Variants in GRIN2A observed in about 807,000 individuals in gnomAD.
GRIN2A encodes glutamate receptor ionotropic, NMDA 2A.
In GRIN2A, 22 loss-of-function variants were observed where a neutral mutation model predicts 113.4. The ratio of observed to expected loss-of-function variants is 0.19; its 90% CI spans 0.14 to 0.28. The LOEUF (loss-of-function observed/expected upper bound fraction) is 0.28, where lower values mean the gene tolerates loss of function less well. Among genes scored for constraint, GRIN2A ranks in the 10% least tolerant of loss-of-function variants. GRIN2A has a pLI of 1.00. For synonymous variants in GRIN2A, 827 were observed against 738.4 expected (o/e 1.12, Z -1.94); for missense variants, 1,502 against 1,887.0 (o/e 0.80, Z 3.78).
chr16:9,813,158 A>C (rs2042118417), intron 10 of GRIN2A, among the ~76,000 whole-genome samples: 1 of 152,232 alleles, frequency 6.6e-6, no homozygotes, highest in South Asian at 2.1e-4. Context: ...GCATGATGAA[A>C]ACACAAAGCA....
intron 2 of GRIN2A, among the ~76,000 whole-genome samples, chr16:10,140,105 A>C (rs188289861): frequency 5.9e-5 from 9 of 152,316 alleles, no homozygotes; most frequent in Non-Finnish European, 7.4e-5. Flanking sequence ...GAAATATTTA[A>C]GTTTATTTGC....
intron 11 of GRIN2A, among the ~76,000 whole-genome samples, chr16:9,793,273 T>G (rs1045795607): frequency 1.3e-5 from 2 of 152,204 alleles, no homozygotes; most frequent in Non-Finnish European, 1.5e-5. Flanking sequence ...GCATCACTTG[T>G]GACTGAATAA....
At chr16:10,035,175 G>A (rs930064179) in intron 2 of GRIN2A, among the ~76,000 whole-genome samples, 6 of 152,014 alleles carry the variant, frequency 3.9e-5, no homozygotes, top group African/African-American at 9.7e-5. Context: ...ACAGGCACAC[G>A]TCACCACACC....
intron 3 of GRIN2A, among the ~76,000 whole-genome samples, chr16:9,927,034 T>G (rs1456678022): frequency 2.6e-5 from 4 of 152,232 alleles, no homozygotes; most frequent in African/African-American, 9.6e-5. Flanking sequence ...GGCTCCATTT[T>G]ACATTACCTG....
intron 4 of GRIN2A, among the ~76,000 whole-genome samples, chr16:9,866,355 GA>G (rs888504620): frequency 4.1e-4 from 62 of 152,230 alleles, no homozygotes; most frequent in African/African-American, 1.3e-3. Flanking sequence ...TAGGATCAGA[GA>G]ACAGCATGCA....
intron 10 of GRIN2A, among the ~76,000 whole-genome samples, chr16:9,812,376 C>A (rs999719553): frequency 6.6e-6 from 1 of 152,198 alleles, no homozygotes; most frequent in Non-Finnish European, 1.5e-5. Flanking sequence ...CGGTAACTCA[C>A]GCCTGTAATC....
chr16:10,150,511 G>A (rs571635406), intron 2 of GRIN2A, among the ~76,000 whole-genome samples: 2 of 152,230 alleles, frequency 1.3e-5, no homozygotes, highest in East Asian at 3.9e-4. Flanking sequence ...TCCCATGAGA[G>A]CTGCCCTCTC....
intron 3 of GRIN2A, among the ~76,000 whole-genome samples, chr16:9,916,857 T>A (rs914516774): frequency 6.6e-6 from 1 of 152,156 alleles, no homozygotes; most frequent in African/African-American, 2.4e-5. Flanking sequence ...GTTAAGTAAG[T>A]GATGTGAGGA....
At chr16:9,882,897 C>G (rs1158685931) in intron 4 of GRIN2A, among the ~76,000 whole-genome samples, 5 of 152,210 alleles carry the variant, frequency 3.3e-5, no homozygotes, top group South Asian at 2.1e-4. Flanking sequence ...GGAAAGGAAG[C>G]AGACACCTTT....
intron 2 of GRIN2A, among the ~76,000 whole-genome samples, chr16:10,060,952 T>C (rs1442280088): frequency 6.6e-6 from 1 of 152,236 alleles, no homozygotes; most frequent in East Asian, 1.9e-4. Flanking sequence ...TCCCACCCAA[T>C]GTCGGTTCTC....
chr16:10,095,017 T>G (rs1348878698), intron 2 of GRIN2A, among the ~76,000 whole-genome samples: 3 of 151,944 alleles, frequency 2.0e-5, no homozygotes, highest in Admixed American at 6.6e-5. Flanking sequence ...TAAGGTTAAA[T>G]GAGGTCATAA....
At chr16:9,973,523 T>C (rs1468505783) in intron 2 of GRIN2A, among the ~76,000 whole-genome samples, 3 of 152,016 alleles carry the variant, frequency 2.0e-5, no homozygotes, top group Non-Finnish European at 4.4e-5. Context: ...TGAAGAATAA[T>C]GGCCAAAAAG....
chr16:9,839,392 C>G (rs1197553890), intron 7 of GRIN2A, among the ~76,000 whole-genome samples: 1 of 151,678 alleles, frequency 6.6e-6, no homozygotes, highest in African/African-American at 2.4e-5. Context: ...AAAAAAACAC[C>G]TTTTATGTAA....
At chr16:10,007,702 G>C (rs1412061995) in intron 2 of GRIN2A, among the ~76,000 whole-genome samples, 1 of 152,010 alleles carries the variant, frequency 6.6e-6, no homozygotes, top group Non-Finnish European at 1.5e-5. Flanking sequence ...AATTTAGGGG[G>C]CTAAAAGTTC....
At chr16:10,113,277 C>T (rs2048659305) in intron 2 of GRIN2A, among the ~76,000 whole-genome samples, 1 of 152,206 alleles carries the variant, frequency 6.6e-6, no homozygotes, top group Non-Finnish European at 1.5e-5. Context: ...CTGGCTCTGC[C>T]TCTGGCTCTT....
At chr16:10,138,623 G>A (rs1283368461) in intron 2 of GRIN2A, among the ~76,000 whole-genome samples, 2 of 152,026 alleles carry the variant, frequency 1.3e-5, no homozygotes, top group Admixed American at 6.6e-5. Flanking sequence ...ATTTGGGTGG[G>A]GACGCAGAGC....
chr16:9,833,047 C>T (rs1016339230), intron 8 of GRIN2A, among the ~76,000 whole-genome samples: 1 of 152,194 alleles, frequency 6.6e-6, no homozygotes. Flanking sequence ...CCATCCTCTA[C>T]CATATCAAGT....
chr16:9,980,756 C>A (rs1045385002), intron 2 of GRIN2A, among the ~76,000 whole-genome samples: 1 of 146,386 alleles, frequency 6.8e-6, no homozygotes, highest in African/African-American at 2.5e-5. Flanking sequence ...CCAAACACCA[C>A]ATGTTCTCAC....
chr16:9,963,464 A>G (rs376285281), intron 2 of GRIN2A, among the ~76,000 whole-genome samples: 16 of 151,886 alleles, frequency 1.1e-4, no homozygotes, highest in African/African-American at 3.6e-4. Flanking sequence ...CCAGTGTGTG[A>G]TGTTCCTCTC....
Sources: gnomAD v4.1 joint callset for allele counts (sites outside exome capture counted in the v4.1 genomes callset) on GRCh38, gnomAD v4.1.1 for gene constraint, MANE v1.5 for transcripts, NCBI Gene and HGNC (gene_info 2026-07-23, HGNC 2026-07-21) for gene names.